The following RAD51B variants were observed in gnomAD, a reference collection of about 807,000 sequenced individuals.
The protein encoded by RAD51B is DNA repair protein RAD51 homolog 2.
A neutral mutation model predicts 42.2 loss-of-function variants in RAD51B; 38 were observed. That is an observed-to-expected ratio of 0.90 (90% confidence interval 0.70 to 1.18). The LOEUF is 1.18. Ranked by LOEUF, RAD51B falls within the 50% of genes most tolerant of loss-of-function variation. RAD51B has a pLI of 0.00. For synonymous variants in RAD51B, 154 were observed against 145.2 expected, an observed-to-expected ratio of 1.06 and a Z score of -0.43; for missense variants, 373 against 400.7, an observed-to-expected ratio of 0.93 and a Z score of 0.59.
chr14:68,666,019 G>A (rs144566132), intron 11 of RAD51B, among the ~76,000 whole-genome samples: 172 of 152,062 alleles, frequency 1.1e-3, no homozygotes, highest in Middle Eastern at 3.5e-3. Flanking sequence ...TCTGGGAAGG[G>A]GACTCACTCT....
At chr14:67,912,433 A>G (rs2044014819) in intron 7 of RAD51B, among the ~76,000 whole-genome samples, 1 of 152,222 alleles carries the variant, frequency 6.6e-6, no homozygotes, top group Non-Finnish European at 1.5e-5. Flanking sequence ...CATTGAGGCT[A>G]GAGAGATTAT....
intron 7 of RAD51B, among the ~76,000 whole-genome samples, chr14:67,926,558 CTTTTTTTTTTT>C (rs534207569): frequency 4.7e-5 from 4 of 85,112 alleles, no homozygotes; most frequent in Non-Finnish European, 8.9e-5. Context: ...GATATGTTTC[CTTTTTTTTTTT>C]TTTTTTTTTT....
At chr14:67,830,554 A>G (rs1467204276) in intron 3 of RAD51B, among the ~76,000 whole-genome samples, 1 of 152,082 alleles carries the variant, frequency 6.6e-6, no homozygotes, top group Non-Finnish European at 1.5e-5. Flanking sequence ...GACATGCACC[A>G]TCACACCTGG....
At chr14:67,986,962 C>T (rs1180166087) in intron 7 of RAD51B, among the ~76,000 whole-genome samples, 1 of 152,190 alleles carries the variant, frequency 6.6e-6, no homozygotes, top group Non-Finnish European at 1.5e-5. Context: ...AAACTCCTGA[C>T]CTCGGGTGAT....
chr14:68,276,632 A>G (rs1168415482), intron 7 of RAD51B, among the ~76,000 whole-genome samples: 1 of 152,174 alleles, frequency 6.6e-6, no homozygotes, highest in Non-Finnish European at 1.5e-5. Context: ...AAGAGGAAGG[A>G]AAAGAATGTG....
At chr14:68,466,790 G>A (rs966286804) in intron 9 of RAD51B, among the ~76,000 whole-genome samples, 3 of 152,206 alleles carry the variant, frequency 2.0e-5, no homozygotes, top group African/African-American at 7.2e-5. Context: ...GTGGAAACTT[G>A]GGGAGTTATT....
At chr14:68,017,579 A>G (rs575643619) in intron 7 of RAD51B, among the ~76,000 whole-genome samples, 4 of 152,304 alleles carry the variant, frequency 2.6e-5, no homozygotes, top group Non-Finnish European at 4.4e-5. Flanking sequence ...TTAGAGATCA[A>G]TGCTGAGTTC....
intron 8 of RAD51B, among the ~76,000 whole-genome samples, chr14:68,372,624 A>G (rs550184852): frequency 6.6e-6 from 1 of 152,320 alleles, no homozygotes; most frequent in South Asian, 2.1e-4. Flanking sequence ...GAAACAGAAA[A>G]GAGGGTCATT....
intron 9 of RAD51B, among the ~76,000 whole-genome samples, chr14:68,454,117 G>C (rs1391173596): frequency 6.6e-6 from 1 of 152,184 alleles, no homozygotes; most frequent in Non-Finnish European, 1.5e-5. Context: ...GAAATCATTT[G>C]CTGTTTTCAA....
intron 10 of RAD51B, among the ~76,000 whole-genome samples, chr14:68,635,688 G>A (rs1037607010): frequency 1.3e-5 from 2 of 152,156 alleles, no homozygotes; most frequent in African/African-American, 4.8e-5. Context: ...AATATCCAGA[G>A]TATATATTGA....
At chr14:68,195,397 C>A (rs2079348482) in intron 7 of RAD51B, among the ~76,000 whole-genome samples, 1 of 97,152 alleles carries the variant, frequency 1.0e-5, no homozygotes, top group South Asian at 4.7e-4. Context: ...TCAGCTTCTC[C>A]AGTCACCTCC....
chr14:67,875,994 G>T (rs1410027401), intron 5 of RAD51B, among the ~76,000 whole-genome samples: 1 of 152,130 alleles, frequency 6.6e-6, no homozygotes, highest in African/African-American at 2.4e-5. Flanking sequence ...CACTGGGTAG[G>T]TTTTCCTCAG....
At chr14:68,252,124 C>A (rs900430748) in intron 7 of RAD51B, among the ~76,000 whole-genome samples, 10 of 152,142 alleles carry the variant, frequency 6.6e-5, no homozygotes, top group Admixed American at 1.3e-4. Flanking sequence ...AATCCTACAG[C>A]CTGCAGGAGT....
chr14:67,924,329 C>T (rs753121792), intron 7 of RAD51B, among the ~76,000 whole-genome samples: 3 of 151,990 alleles, frequency 2.0e-5, no homozygotes, highest in Non-Finnish European at 2.9e-5. Flanking sequence ...AGGGGTTTTC[C>T]AATGTTATCT....
intron 4 of RAD51B, among the ~76,000 whole-genome samples, chr14:67,855,724 A>G (rs1306475283): frequency 1.3e-5 from 2 of 152,202 alleles, no homozygotes; most frequent in Non-Finnish European, 2.9e-5. Flanking sequence ...ACAGCAGCAA[A>G]CATTTATTTT....
At chr14:68,566,800 C>A (rs1245547815) in intron 10 of RAD51B, among the ~76,000 whole-genome samples, 2 of 152,086 alleles carry the variant, frequency 1.3e-5, no homozygotes, top group Non-Finnish European at 2.9e-5. Flanking sequence ...ATCCCAATTT[C>A]TCTGCTTGGC....
intron 7 of RAD51B, among the ~76,000 whole-genome samples, chr14:67,964,454 A>G (rs1400108879): frequency 1.3e-5 from 2 of 152,180 alleles, no homozygotes; most frequent in Non-Finnish European, 2.9e-5. Context: ...GGAAGGGAAT[A>G]TTGTTTCTTT....
At chr14:68,219,559 G>A (rs913740392) in intron 7 of RAD51B, among the ~76,000 whole-genome samples, 1 of 152,040 alleles carries the variant, frequency 6.6e-6, no homozygotes, top group Non-Finnish European at 1.5e-5. Flanking sequence ...GAGCCCAAGA[G>A]CTCCACTAGA....
chr14:68,123,170 C>CT (rs2077685403), intron 7 of RAD51B, among the ~76,000 whole-genome samples: 2 of 146,554 alleles, frequency 1.4e-5, no homozygotes, highest in African/African-American at 5.0e-5. Flanking sequence ...ATGATCTTTT[C>CT]TTTTCTTTTT....
Sources: allele counts gnomAD v4.1 joint callset (sites outside exome capture counted in the v4.1 genomes callset), GRCh38; gene constraint gnomAD v4.1.1; transcripts MANE v1.5; gene names NCBI Gene and HGNC (gene_info 2026-07-23, HGNC 2026-07-21).